The following SLC44A1 variants were observed in gnomAD, a reference collection of about 807,000 sequenced individuals.
SLC44A1 encodes choline transporter-like protein 1.
A neutral mutation model predicts 79.3 loss-of-function variants in SLC44A1; 26 were observed. That is an observed-to-expected ratio of 0.33 (90% CI 0.24 to 0.46). The LOEUF is 0.46. Ranked by LOEUF, SLC44A1 falls within the 20% of genes least tolerant of loss-of-function variation. The probability of loss-of-function intolerance (pLI) is 1.00; values close to 1 mark genes in which losing one functional copy is unlikely to be tolerated. For missense variants in SLC44A1, 688 were observed against 798.1 expected (o/e 0.86, Z 1.66); for synonymous variants, 263 against 286.2 (o/e 0.92, Z 0.82).
intron 13 of SLC44A1, among the ~76,000 whole-genome samples, chr9:105,377,461 A>G (rs1021727425): frequency 1.3e-5 from 2 of 152,114 alleles, no homozygotes; most frequent in Non-Finnish European, 2.9e-5. Flanking sequence ...ATGAAAAATA[A>G]AAAGATGAGT....
chr9:105,354,546 G>A (rs1827560469), intron 5 of SLC44A1, among the ~76,000 whole-genome samples: 1 of 152,112 alleles, frequency 6.6e-6, no homozygotes. Flanking sequence ...CAAACCTTTG[G>A]CATTAACTTT....
chr9:105,366,066 T>G (rs1303767087), intron 11 of SLC44A1, among the ~76,000 whole-genome samples: 1 of 152,210 alleles, frequency 6.6e-6, no homozygotes, highest in East Asian at 1.9e-4. Context: ...GATTCTAACC[T>G]TTTTTGTGTT....
At chr9:105,383,565 C>T (rs1261559859) in intron 14 of SLC44A1, among the ~76,000 whole-genome samples, 1 of 152,204 alleles carries the variant, frequency 6.6e-6, no homozygotes, top group Non-Finnish European at 1.5e-5. Flanking sequence ...TCAGATCCAC[C>T]TAGCTAGAGC....
chr9:105,417,290 A>G (rs1424179548), intron 15 of SLC44A1, among the ~76,000 whole-genome samples: 1 of 152,224 alleles, frequency 6.6e-6, no homozygotes, highest in Non-Finnish European at 1.5e-5. Flanking sequence ...GATAATGGAT[A>G]CATTACCATG....
intron 1 of SLC44A1, among the ~76,000 whole-genome samples, chr9:105,265,076 G>A (rs1374045227): frequency 3.3e-5 from 5 of 152,204 alleles, no homozygotes. Context: ...GATTACAGGT[G>A]TGAGCCACCG....
intron 1 of SLC44A1, among the ~76,000 whole-genome samples, chr9:105,262,457 A>C (rs1829863709): frequency 6.6e-6 from 1 of 152,262 alleles, no homozygotes. Context: ...TTTAATTTTC[A>C]TGTTGAAATG....
intron 1 of SLC44A1, among the ~76,000 whole-genome samples, chr9:105,253,972 C>T (rs1025626352): frequency 3.9e-5 from 6 of 152,224 alleles, no homozygotes; most frequent in South Asian, 2.1e-4. Context: ...CTGCCTGCCT[C>T]GGCCTCCCAA....
At position 105,244,878 on chromosome 9, in the gene SLC44A1, T is replaced by C; in HGVS notation, c.10T>C (p.Cys4Arg). The change falls in exon 1 of 16, where the codon TGC becomes CGC. Residue 4 changes from cysteine (C) to arginine (R), a missense_variant. Transcript: ENST00000374720. MGC[C>R]SSASSAAQSS... Reference sequence around the variant, plus strand: ...CTCCTTCGGCCCCGCCATGGGCTGCTGCAGCTCCGCCTCCTCCGCCGCGCA... The same window carrying C: ...CTCCTTCGGCCCCGCCATGGGCTGCCGCAGCTCCGCCTCCTCCGCCGCGCA... The C allele has an allele frequency of 2.6e-6, 3 of 1,166,284 alleles. No homozygotes were observed. The highest frequency in any genetic ancestry group is 3.2e-6 in the Non-Finnish European group (3 of 947,326). 72.2% of individuals were successfully genotyped at this position (1,166,284 alleles called of 1,614,324 possible).
chr9:105,295,764 G>C (rs751355314), intron 1 of SLC44A1, among the ~76,000 whole-genome samples: 1 of 152,154 alleles, frequency 6.6e-6, no homozygotes, highest in Non-Finnish European at 1.5e-5. Context: ...CGGGGAGTGG[G>C]GGGGAGGGCG....
At chr9:105,357,191 A>T (rs1187152795) in intron 6 of SLC44A1, 1 of 152,118 alleles carries the variant, frequency 6.6e-6, no homozygotes, top group Non-Finnish European at 1.5e-5. Flanking sequence ...TCCATATGAA[A>T]ATCTATTTCT....
intron 1 of SLC44A1, among the ~76,000 whole-genome samples, chr9:105,277,824 A>C (rs992864129): frequency 2.0e-5 from 3 of 152,178 alleles, no homozygotes; most frequent in Admixed American, 2.0e-4. Flanking sequence ...AGAGTACTAA[A>C]AAACAAAATA....
At chr9:105,366,175 A>T (rs1004070541) in intron 11 of SLC44A1, among the ~76,000 whole-genome samples, 171 bp from the exon 12 acceptor site, 4 of 152,242 alleles carry the variant, frequency 2.6e-5, no homozygotes, top group Admixed American at 2.6e-4. Flanking sequence ...AATTGAACTT[A>T]TTAAAAATAA....
rs1828226818 is a variant in SLC44A1 at position 105,374,822 on chromosome 9, A to G, written c.1632+87A>G. On this transcript the variant is annotated intron_variant, in intron 13 of 15. Transcript: ENST00000374720. ...TTATTTTAAAAATATTCAGGCCACC[A>G]AAAAACTAAAAGTAATATATAGCGA... 2.8e-5 allele frequency: 30 copies of G among 1,064,706 alleles called. No individual in the cohort carries two copies. In the South Asian group the frequency reaches 4.4e-4, roughly 16 times the overall value. The allele number at this position is 1,064,706 out of a possible 1,614,324, so 66.0% of individuals were successfully genotyped here.
intron 15 of SLC44A1, among the ~76,000 whole-genome samples, chr9:105,426,296 T>C (rs1829322090): frequency 6.6e-6 from 1 of 152,242 alleles, no homozygotes; most frequent in South Asian, 2.1e-4. Context: ...CTGCATTATT[T>C]CTAAGGTTAT....
intron 3 of SLC44A1, among the ~76,000 whole-genome samples, chr9:105,331,658 T>C (rs1826753329): frequency 6.6e-6 from 1 of 152,234 alleles, no homozygotes; most frequent in South Asian, 2.1e-4. Flanking sequence ...AGTTAAAGTA[T>C]AATTACTTTT....
chr9:105,298,623 T>A (rs1830792622), intron 1 of SLC44A1, among the ~76,000 whole-genome samples: 2 of 152,216 alleles, frequency 1.3e-5, no homozygotes, highest in African/African-American at 4.8e-5. Context: ...GTGCTGGGAT[T>A]ACAGATGTGA....
intron 4 of SLC44A1, among the ~76,000 whole-genome samples, chr9:105,336,571 C>CTGAG (rs1465508735): frequency 2.6e-5 from 4 of 152,086 alleles, no homozygotes; most frequent in Admixed American, 6.5e-5. Context: ...GTGTAGGAAT[C>CTGAG]CTCAGAGCTG....
At chr9:105,255,445 A>G (rs1481355711) in intron 1 of SLC44A1, among the ~76,000 whole-genome samples, 1 of 152,244 alleles carries the variant, frequency 6.6e-6, no homozygotes, top group Admixed American at 6.5e-5. Flanking sequence ...TGGTAATTCT[A>G]AAGTTGAGTA....
intron 4 of SLC44A1, among the ~76,000 whole-genome samples, chr9:105,337,005 A>G (rs1826943961): frequency 6.6e-6 from 1 of 152,164 alleles, no homozygotes; most frequent in South Asian, 2.1e-4. Context: ...AGAATACTGG[A>G]CACTTGGTAG....
Sources: gnomAD v4.1 joint callset for allele counts (sites outside exome capture counted in the v4.1 genomes callset) on GRCh38, gnomAD v4.1.1 for gene constraint, MANE v1.5 for transcripts, NCBI Gene and HGNC (gene_info 2026-07-23, HGNC 2026-07-21) for gene names.